Variants in PLD5 observed in about 807,000 individuals in gnomAD.
PLD5 encodes phospholipase D family member 5, also known as inactive phospholipase D5.
A neutral mutation model predicts 61.1 loss-of-function variants in PLD5; 36 were observed. The ratio of observed to expected loss-of-function variants is 0.59; its 90% CI spans 0.45 to 0.78. The LOEUF (loss-of-function observed/expected upper bound fraction) is 0.78, where lower values mean the gene tolerates loss of function less well. PLD5 is among the 30% of genes least tolerant of loss of function. The pLI is 0.00. For missense variants in PLD5, 515 were observed against 644.4 expected (o/e 0.80, Z 2.17); for synonymous variants, 243 against 242.8 (o/e 1.00, Z -0.01).
At chr1:242,296,480 C>T (rs1353803725) in intron 2 of PLD5, among the ~76,000 whole-genome samples, 1 of 152,176 alleles carries the variant, frequency 6.6e-6, no homozygotes, top group East Asian at 1.9e-4. Context: ...GGCTAACCTT[C>T]CCAAAGAGAT....
chr1:242,176,330 T>C (rs1667142148), intron 5 of PLD5, among the ~76,000 whole-genome samples: 1 of 152,126 alleles, frequency 6.6e-6, no homozygotes, highest in Admixed American at 6.5e-5. Flanking sequence ...AAAGAAGCAA[T>C]GGGGAAAGGA....
intron 1 of PLD5, among the ~76,000 whole-genome samples, chr1:242,440,043 T>C (rs1454345888): frequency 6.6e-6 from 1 of 152,164 alleles, no homozygotes. Context: ...AATATCACCA[T>C]ACATAATAAT....
At chr1:242,404,941 G>A (rs911350292) in intron 1 of PLD5, among the ~76,000 whole-genome samples, 4 of 137,376 alleles carry the variant, frequency 2.9e-5, no homozygotes, top group African/African-American at 5.6e-5. Context: ...ATGCAGTGGC[G>A]TGATCTTGGC....
chr1:242,468,703 A>G (rs935768840), intron 1 of PLD5, among the ~76,000 whole-genome samples: 1 of 151,594 alleles, frequency 6.6e-6, no homozygotes, highest in African/African-American at 2.4e-5. Context: ...ACACACACGC[A>G]CACACACACA....
At chr1:242,096,739 T>TTTTTTA (rs1166391573) in intron 9 of PLD5, among the ~76,000 whole-genome samples, 3 of 151,862 alleles carry the variant, frequency 2.0e-5, no homozygotes, top group Non-Finnish European at 4.4e-5. Flanking sequence ...TGGACTTTTA[T>TTTTTTA]TTTTTATTTT....
At chr1:242,476,200 CA>C (rs1190145662) in intron 1 of PLD5, among the ~76,000 whole-genome samples, 15 of 151,992 alleles carry the variant, frequency 9.9e-5, no homozygotes, top group Non-Finnish European at 1.9e-4. Context: ...ACTAAAAATA[CA>C]AAAATTAGCC....
intron 1 of PLD5, among the ~76,000 whole-genome samples, chr1:242,430,661 C>T (rs777880871): frequency 2.6e-5 from 4 of 152,210 alleles, no homozygotes; most frequent in Non-Finnish European, 5.9e-5. Flanking sequence ...CAATGAAGTC[C>T]CTGTCCTAAA....
intron 1 of PLD5, among the ~76,000 whole-genome samples, chr1:242,376,502 G>T (rs966523357): frequency 6.6e-6 from 1 of 152,062 alleles, no homozygotes; most frequent in Non-Finnish European, 1.5e-5. Context: ...CACTAAAAAA[G>T]GCATTATTTT....
intron 1 of PLD5, among the ~76,000 whole-genome samples, chr1:242,394,683 C>T (rs62646900): frequency 1.3e-4 from 4 of 31,346 alleles, no homozygotes; most frequent in Admixed American, 5.8e-4. Flanking sequence ...TATATGTGAA[C>T]ATATATGTGT....
chr1:242,215,939 C>A (rs1438419304), intron 5 of PLD5, among the ~76,000 whole-genome samples: 1 of 152,194 alleles, frequency 6.6e-6, no homozygotes, highest in Admixed American at 6.5e-5. Flanking sequence ...CTAAATCTGC[C>A]TTTTTTCAGA....
intron 1 of PLD5, among the ~76,000 whole-genome samples, chr1:242,437,908 T>A (rs1188906696): frequency 6.6e-6 from 1 of 152,246 alleles, no homozygotes; most frequent in Non-Finnish European, 1.5e-5. Flanking sequence ...CTGTCATCAC[T>A]GTGCTACTGT....
chr1:242,503,086 C>T (rs769174425), intron 1 of PLD5, among the ~76,000 whole-genome samples: 2 of 151,996 alleles, frequency 1.3e-5, no homozygotes, highest in Non-Finnish European at 2.9e-5. Flanking sequence ...CAGAGTCCTG[C>T]GGAGGTCTGA....
At chr1:242,475,460 G>A (rs1476479760) in intron 1 of PLD5, among the ~76,000 whole-genome samples, 2 of 151,338 alleles carry the variant, frequency 1.3e-5, no homozygotes, top group African/African-American at 4.9e-5. Flanking sequence ...TAAAAGAAAG[G>A]CTCCACCTTG....
chr1:242,297,523 G>A (rs1675753377), intron 2 of PLD5, among the ~76,000 whole-genome samples: 1 of 150,666 alleles, frequency 6.6e-6, no homozygotes, highest in Non-Finnish European at 1.5e-5. Context: ...TTCTGCCTTA[G>A]TACCCCTGAG....
rs192752261 is a variant in PLD5, at chr1:242,370,482, G to C, written c.190-22240C>G. On this transcript the variant is annotated intron_variant, in intron 1 of 9. Transcript: ENST00000536534. The stretch of plus-strand genomic sequence containing the variant: ...ACAGAATAGATGTGCCATTCTAATA[G>C]TACAGAGGGCTGAGCCAGGGGCCAG... Among the ~76,000 whole-genome samples the C allele has an allele frequency of 3.4e-3, 510 of 152,198 alleles. 4 individuals are homozygous for C. Among genetic ancestry groups the C allele is most frequent in the African/African-American group, 0.012 (482 of 41,534 alleles).
At chr1:242,457,430 C>A (rs1409914942) in intron 1 of PLD5, among the ~76,000 whole-genome samples, 1 of 152,128 alleles carries the variant, frequency 6.6e-6, no homozygotes, top group Non-Finnish European at 1.5e-5. Flanking sequence ...CTTTGGTAAC[C>A]ATCCTACAGT....
chr1:242,286,895 G>A (rs1390762713), intron 3 of PLD5, among the ~76,000 whole-genome samples: 1 of 152,162 alleles, frequency 6.6e-6, no homozygotes, highest in Non-Finnish European at 1.5e-5. Context: ...GAGGAATAAG[G>A]TGAATGTGTT....
chr1:242,177,146 T>G (rs1667205812), intron 5 of PLD5, among the ~76,000 whole-genome samples: 1 of 151,974 alleles, frequency 6.6e-6, no homozygotes, highest in Admixed American at 6.6e-5. Context: ...TGCAGCACTG[T>G]TCACAGTAGC....
intron 1 of PLD5, among the ~76,000 whole-genome samples, chr1:242,495,023 G>A (rs926555148): frequency 6.6e-6 from 1 of 151,990 alleles, no homozygotes; most frequent in Non-Finnish European, 1.5e-5. Flanking sequence ...GCAGGAAATA[G>A]TGCTATTACT....
Sources: allele counts gnomAD v4.1 joint callset (sites outside exome capture counted in the v4.1 genomes callset), GRCh38; gene constraint gnomAD v4.1.1; transcripts MANE v1.5; gene names NCBI Gene and HGNC (gene_info 2026-07-23, HGNC 2026-07-21).